The following TRNAU1AP variants were observed in gnomAD, a reference collection of about 807,000 sequenced individuals.
TRNAU1AP encodes the protein tRNA selenocysteine 1-associated protein 1.
Under a neutral mutation model 43.3 loss-of-function variants are expected in TRNAU1AP, and 33 were observed. The ratio of observed to expected loss-of-function variants is 0.76; its 90% CI spans 0.58 to 1.02. TRNAU1AP has a LOEUF of 1.02. TRNAU1AP is among the 50% of genes least tolerant of loss of function. TRNAU1AP has a pLI of 0.00. For synonymous variants in TRNAU1AP, 143 were observed against 129.1 expected (o/e 1.11, Z -0.73); for missense variants, 290 against 362.7 (o/e 0.80, Z 1.63).
chr1:28,554,738 G>T (rs111852352), intron 2 of TRNAU1AP, among the ~76,000 whole-genome samples: 8,459 of 151,892 alleles, frequency 0.056, 317 homozygotes, highest in African/African-American at 0.1. Flanking sequence ...CAGCTACTTG[G>T]GGGGCTGAGG....
intron 2 of TRNAU1AP, among the ~76,000 whole-genome samples, chr1:28,558,774 C>G (rs946684527): frequency 1.5e-4 from 23 of 151,754 alleles, no homozygotes; most frequent in African/African-American, 5.6e-4. Flanking sequence ...ACTGTGTTAG[C>G]CAGTATGGTC....
At chr1:28,571,723 C>G (rs772381193) in intron 7 of TRNAU1AP, 144 bp from the exon 8 acceptor site, 1 of 631,210 alleles carries the variant, frequency 1.6e-6, no homozygotes, top group Non-Finnish European at 2.8e-6. Flanking sequence ...GCGGGTGTTG[C>G]AGTGAGCCGA....
At position 28,576,004 on chromosome 1, in the gene TRNAU1AP, G is replaced by C. The variant is rs545790281; in HGVS notation, c.728-1496G>C. 3.4e-3 allele frequency among the ~76,000 whole-genome samples: 496 copies of C among 145,726 alleles called. 2 individuals carry two copies. Among genetic ancestry groups the C allele is most frequent in the African/African-American group, 0.012 (474 of 39,166 alleles). ...GCCTCCCGAGTAGCTGGGACTACAG[G>C]CGTGCACTGCCATACCCGGCTAATT... On this transcript the variant is annotated intron_variant, in intron 8 of 8. Coordinates refer to ENST00000373830, the MANE Select transcript of TRNAU1AP (RefSeq NM_017846.5).
chr1:28,561,935 G>C (rs1480436141), intron 4 of TRNAU1AP, among the ~76,000 whole-genome samples: 2 of 152,162 alleles, frequency 1.3e-5, no homozygotes, highest in Non-Finnish European at 2.9e-5. Flanking sequence ...AGCCGGGCGT[G>C]GTGGCAGGCG....
intron 8 of TRNAU1AP, among the ~76,000 whole-genome samples, chr1:28,576,682 C>T (rs1369151295): frequency 6.6e-6 from 1 of 152,068 alleles, no homozygotes; most frequent in Non-Finnish European, 1.5e-5. Flanking sequence ...TCACCGCAAC[C>T]TCCACCTCCT....
intron 2 of TRNAU1AP, among the ~76,000 whole-genome samples, chr1:28,560,041 A>G (rs1665370223): frequency 1.3e-5 from 2 of 152,118 alleles, no homozygotes; most frequent in Admixed American, 1.3e-4. Context: ...CTGAGGCAGG[A>G]TAATTGCTTG....
At chr1:28,557,682 G>A (rs938960297) in intron 2 of TRNAU1AP, among the ~76,000 whole-genome samples, 1 of 151,400 alleles carries the variant, frequency 6.6e-6, no homozygotes, top group Non-Finnish European at 1.5e-5. Flanking sequence ...TGCACCTCTC[G>A]GGTTCAAGCC....
At position 28,567,612 on chromosome 1, in the gene TRNAU1AP, G is replaced by A. The variant is rs569039761; in HGVS notation, c.530+199G>A. On this transcript the variant is annotated intron_variant, in intron 6 of 8. Coordinates refer to ENST00000373830, the MANE Select transcript of TRNAU1AP (RefSeq NM_017846.5). The stretch of plus-strand genomic sequence containing the variant: ...AGCCCCACTCCTGCAGAAACTTAGA[G>A]TTGGGGATAGAGTATGATTTGGAAA... 1.4e-4 allele frequency among the ~76,000 whole-genome samples: 22 copies of A among 152,296 alleles called. No individual in the cohort carries two copies. The South Asian group carries it at 3.3e-3, about 23-fold the overall frequency.
intron 6 of TRNAU1AP, among the ~76,000 whole-genome samples, chr1:28,569,969 C>T (rs1665627913): frequency 6.6e-6 from 1 of 151,884 alleles, no homozygotes; most frequent in Non-Finnish European, 1.5e-5. Context: ...CCACTGCACT[C>T]CAGCCTGGGC....
intron 3 of TRNAU1AP, 175 bp downstream of exon 3, chr1:28,560,907 C>A: frequency 1.2e-6 from 1 of 868,506 alleles, no homozygotes; most frequent in Non-Finnish European, 1.7e-6. Flanking sequence ...AATAACTTGT[C>A]CAAGGCAACA....
In TRNAU1AP at chr1:28,578,116, G is replaced by C. The variant is rs1665845091; in HGVS notation, c.*480G>C. 2 of 159,128 alleles carry C rather than the reference G, an allele frequency of 1.3e-5. No homozygotes were observed. Among genetic ancestry groups the C allele is most frequent in the Non-Finnish European group, 2.8e-5 (2 of 72,368 alleles). The allele number at this position is 159,128 out of a possible 1,614,324, so 9.9% of individuals were successfully genotyped here. A position where few individuals can be genotyped will look rare whatever the true frequency, so the allele number is the denominator to read the frequency against. ...GAGCACGCCCCAGAAGGTAGAATGT[G>C]GTGGGGTGTGATGGAACAGGCCAGT... On this transcript the variant is annotated 3_prime_UTR_variant, in exon 9 of 9. Transcript: ENST00000373830.
intron 2 of TRNAU1AP, among the ~76,000 whole-genome samples, chr1:28,558,603 C>T (rs528228059): frequency 4.3e-4 from 56 of 128,926 alleles, no homozygotes; most frequent in African/African-American, 1.5e-3. Flanking sequence ...CTCATTCTGT[C>T]GCCCAGGCTG....
intron 8 of TRNAU1AP, among the ~76,000 whole-genome samples, chr1:28,572,884 G>A (rs968297536): frequency 2.2e-4 from 33 of 151,648 alleles, no homozygotes; most frequent in Admixed American, 4.6e-4. Context: ...GCAGTGAGCC[G>A]AGATCGCACC....
At chr1:28,569,560 G>A (rs370040517) in intron 6 of TRNAU1AP, among the ~76,000 whole-genome samples, 2 of 149,880 alleles carry the variant, frequency 1.3e-5, no homozygotes. Flanking sequence ...GTGTGGTGGC[G>A]GGCACCTGTA....
At chr1:28,572,802 A>ATGG in intron 8 of TRNAU1AP, among the ~76,000 whole-genome samples, 1 of 151,052 alleles carries the variant, frequency 6.6e-6, no homozygotes, top group East Asian at 2.0e-4. Context: ...GGGTGTGGTG[A>ATGG]TGGGCGCCTG....
At chr1:28,566,569 G>T (rs987121592) in intron 5 of TRNAU1AP, among the ~76,000 whole-genome samples, 4 of 151,726 alleles carry the variant, frequency 2.6e-5, no homozygotes, top group African/African-American at 9.7e-5. Context: ...TGGCTAACAC[G>T]GTGAAACCCT....
chr1:28,571,425 C>T, intron 7 of TRNAU1AP, 87 bp downstream of exon 7: 3 of 1,407,306 alleles, frequency 2.1e-6, no homozygotes, highest in Middle Eastern at 1.9e-4. Context: ...TTGGTAAGGA[C>T]AGGGGCTTGG....
intron 4 of TRNAU1AP, among the ~76,000 whole-genome samples, chr1:28,563,718 G>A (rs755395666): frequency 1.3e-4 from 19 of 151,856 alleles, no homozygotes; most frequent in Non-Finnish European, 1.9e-4. Flanking sequence ...TGGATGTAGT[G>A]GCATGTGCCT....
intron 6 of TRNAU1AP, among the ~76,000 whole-genome samples, chr1:28,568,813 ATT>A (rs34038529): frequency 1.4e-4 from 20 of 137,966 alleles, no homozygotes; most frequent in Admixed American, 2.2e-4. Flanking sequence ...TAGTTGAACT[ATT>A]TTTTTTTTTT....
Sources: allele counts gnomAD v4.1 joint callset (sites outside exome capture counted in the v4.1 genomes callset), GRCh38; gene constraint gnomAD v4.1.1; transcripts MANE v1.5; gene names NCBI Gene and HGNC (gene_info 2026-07-23, HGNC 2026-07-21).